Variants in SMYD3 observed in about 807,000 individuals in gnomAD.
SMYD3 encodes SET and MYND domain containing 3.
A neutral mutation model predicts 57.7 loss-of-function variants in SMYD3; 36 were observed. The ratio of observed to expected loss-of-function variants is 0.62; its 90% CI spans 0.48 to 0.82. The LOEUF is 0.82. SMYD3 is among the 40% of genes least tolerant of loss of function. The pLI is 0.00. For missense variants in SMYD3, 515 were observed against 538.8 expected (o/e 0.96, Z 0.44); for synonymous variants, 211 against 195.0 (o/e 1.08, Z -0.68).
intron 10 of SMYD3, among the ~76,000 whole-genome samples, chr1:245,857,719 G>A (rs2051323302): frequency 6.6e-6 from 1 of 152,134 alleles, no homozygotes; most frequent in South Asian, 2.1e-4. Context: ...TGGTCCACAT[G>A]TCTCCGTGCC....
chr1:246,428,372 C>T lies in SMYD3; in HGVS notation c.165-73278G>A, dbSNP rs202185526. ...TTTTCAGTTGCAAATAACAAAAAAA[C>T]AGATTTGCATTAAAAAGAAAAGAAA... On this transcript the variant is annotated intron_variant, in intron 1 of 11. Coordinates refer to ENST00000490107, the MANE Select transcript of SMYD3 (RefSeq NM_001167740.2). Among the ~76,000 whole-genome samples, 43 of 152,164 alleles carry T rather than the reference C, an allele frequency of 2.8e-4. No individual in the cohort carries two copies. In the East Asian group the frequency reaches 7.5e-3, roughly 27 times the overall value.
chr1:246,125,149 G>C (rs960969214), intron 5 of SMYD3, among the ~76,000 whole-genome samples: 1 of 151,592 alleles, frequency 6.6e-6, no homozygotes, highest in Non-Finnish European at 1.5e-5. Flanking sequence ...CAATGATTAC[G>C]GAACTTTACT....
At chr1:246,365,314 T>C (rs2066079317) in intron 1 of SMYD3, among the ~76,000 whole-genome samples, 1 of 150,100 alleles carries the variant, frequency 6.7e-6, no homozygotes, top group South Asian at 2.1e-4. Context: ...TAGTGAGCCC[T>C]CATTTCTACA....
At position 245,749,631 on chromosome 1, in the gene SMYD3, C is replaced by A; in HGVS notation, c.1219G>T (p.Glu407Ter). The A allele has an allele frequency of 6.2e-7, 1 of 1,614,170 alleles. No individual in the cohort carries two copies. The highest frequency in any genetic ancestry group is 8.5e-7 in the Non-Finnish European group (1 of 1,180,010). Residue 407 changes from glutamate to a stop codon, truncating the protein, a stop_gained, in exon 12 of 12, where the codon GAA (glutamate) becomes TAA (stop). Coordinates refer to ENST00000490107, the MANE Select transcript of SMYD3 (RefSeq NM_001167740.2). LOFTEE classifies it high-confidence loss of function. ...ATCAAATCTTCAATCAGGCTGTGTT[C>A]TCTGCCATGTGTCACTCTCATAATA... ...FDIMRVTHGR[E>*]HSLIEDLILL...
intron 1 of SMYD3, among the ~76,000 whole-genome samples, chr1:246,443,051 C>T (rs1214108131): frequency 6.6e-6 from 1 of 152,074 alleles, no homozygotes; most frequent in Non-Finnish European, 1.5e-5. Flanking sequence ...GTAGCTCTTC[C>T]TATTTTGGAT....
chr1:246,360,519 C>G (rs1283468061), intron 1 of SMYD3, among the ~76,000 whole-genome samples: 2 of 151,954 alleles, frequency 1.3e-5, no homozygotes, highest in African/African-American at 4.8e-5. Context: ...GCAAAAAGAA[C>G]AAATCTGGAG....
chr1:246,121,088 T>C (rs1243073618), intron 5 of SMYD3, among the ~76,000 whole-genome samples: 1 of 152,206 alleles, frequency 6.6e-6, no homozygotes, highest in Non-Finnish European at 1.5e-5. Context: ...GAATACAGCT[T>C]TTAAGACAGA....
chr1:245,933,197 T>C (rs1259555634), intron 5 of SMYD3, among the ~76,000 whole-genome samples: 2 of 152,224 alleles, frequency 1.3e-5, no homozygotes, highest in African/African-American at 4.8e-5. Flanking sequence ...GTACTGTCTT[T>C]GTGAAAACAG....
intron 5 of SMYD3, among the ~76,000 whole-genome samples, chr1:246,055,485 A>G (rs2060136616): frequency 6.6e-6 from 1 of 152,224 alleles, no homozygotes; most frequent in Non-Finnish European, 1.5e-5. Flanking sequence ...TATATGATCC[A>G]GCAATTCCAC....
At chr1:246,391,109 G>C (rs2066555200) in intron 1 of SMYD3, among the ~76,000 whole-genome samples, 1 of 151,848 alleles carries the variant, frequency 6.6e-6, no homozygotes, top group South Asian at 2.1e-4. Flanking sequence ...GCTTCAGCTG[G>C]GTGCGATGGC....
In SMYD3 at chr1:246,419,907, T is replaced by C. The variant is rs375644007; in HGVS notation, c.165-64813A>G. 1.3e-4 allele frequency among the ~76,000 whole-genome samples: 20 copies of C among 152,332 alleles called. 1 individual carries two copies. In the South Asian group the frequency reaches 4.1e-3, roughly 32 times the overall value. Reference sequence around the variant, plus strand: ...GGGACCACTGTTTTCAGCTAAAAAGTCTGTCACGACTTGAGCTGTGGCTCA... The same window carrying C: ...GGGACCACTGTTTTCAGCTAAAAAGCCTGTCACGACTTGAGCTGTGGCTCA... On this transcript the variant is annotated intron_variant, in intron 1 of 11. Coordinates refer to ENST00000490107, the MANE Select transcript of SMYD3 (RefSeq NM_001167740.2).
At chr1:246,177,893 C>T (rs1173335764) in intron 5 of SMYD3, among the ~76,000 whole-genome samples, 1 of 152,186 alleles carries the variant, frequency 6.6e-6, no homozygotes, top group Non-Finnish European at 1.5e-5. Flanking sequence ...CGCCTAGCAA[C>T]TCCCCCAGGC....
intron 1 of SMYD3, among the ~76,000 whole-genome samples, chr1:246,506,060 G>A (rs1314873628): frequency 2.0e-5 from 3 of 152,258 alleles, no homozygotes; most frequent in East Asian, 3.9e-4. Context: ...TAAGAACAAT[G>A]GTCAAATTAC....
At chr1:245,892,734 A>ATT (rs2053470886) in intron 8 of SMYD3, among the ~76,000 whole-genome samples, 1 of 152,224 alleles carries the variant, frequency 6.6e-6, no homozygotes, top group South Asian at 2.1e-4. Flanking sequence ...AATTAACTGA[A>ATT]AATGGATCAA....
intron 8 of SMYD3, among the ~76,000 whole-genome samples, chr1:245,911,581 G>A (rs2054991058): frequency 6.6e-6 from 1 of 151,882 alleles, no homozygotes; most frequent in South Asian, 2.1e-4. Context: ...CCTGTCATTT[G>A]TAGCAACATG....
chr1:245,958,235 A>C (rs1385804140), intron 5 of SMYD3, among the ~76,000 whole-genome samples: 1 of 152,184 alleles, frequency 6.6e-6, no homozygotes, highest in African/African-American at 2.4e-5. Flanking sequence ...AAAGCAGGAC[A>C]AGTTAAATCT....
intron 5 of SMYD3, among the ~76,000 whole-genome samples, chr1:246,194,713 T>C (rs1297917000): frequency 6.6e-6 from 1 of 152,184 alleles, no homozygotes; most frequent in Non-Finnish European, 1.5e-5. Context: ...GAAATTCAAT[T>C]CCTCAGTCAC....
chr1:246,193,906 G>A (rs1346627768), intron 5 of SMYD3, among the ~76,000 whole-genome samples: 2 of 151,896 alleles, frequency 1.3e-5, no homozygotes, highest in South Asian at 2.1e-4. Context: ...TTATTCAAAC[G>A]TACACCAAAA....
At chr1:246,314,102 C>T (rs558600066) in intron 5 of SMYD3, among the ~76,000 whole-genome samples, 1 of 152,244 alleles carries the variant, frequency 6.6e-6, no homozygotes, top group South Asian at 2.1e-4. Context: ...AAACTACCAG[C>T]ATTTATTTAG....
Sources: gnomAD v4.1 joint callset for allele counts (sites outside exome capture counted in the v4.1 genomes callset) on GRCh38, gnomAD v4.1.1 for gene constraint, MANE v1.5 for transcripts, NCBI Gene and HGNC (gene_info 2026-07-23, HGNC 2026-07-21) for gene names.